The following DCHS2 variants were observed in gnomAD, a reference collection of about 807,000 sequenced individuals.
DCHS2 encodes the protein protocadherin-23.
A neutral mutation model predicts 182.4 loss-of-function variants in DCHS2; 142 were observed. The observed-to-expected ratio is 0.78, with a 90% CI of 0.68 to 0.89. The LOEUF (loss-of-function observed/expected upper bound fraction) is 0.89, where lower values mean the gene tolerates loss of function less well. Ranked by LOEUF, DCHS2 falls within the 40% of genes least tolerant of loss-of-function variation. The pLI is 0.00. For synonymous variants in DCHS2, 1,740 were observed against 1,663.3 expected, an observed-to-expected ratio of 1.05 and a Z score of -1.12; for missense variants, 4,319 against 4,198.6, an observed-to-expected ratio of 1.03 and a Z score of -0.79.
intron 3 of DCHS2, chr4:154,355,563 G>A (rs549900229): frequency 5.9e-5 from 9 of 152,230 alleles, no homozygotes; most frequent in African/African-American, 1.9e-4. Context: ...TAATAAACTT[G>A]CTTTCACTTT....
At chr4:154,344,356 A>G (rs951208720) in intron 3 of DCHS2, among the ~76,000 whole-genome samples, 1 of 152,210 alleles carries the variant, frequency 6.6e-6, no homozygotes, top group Admixed American at 6.5e-5. Context: ...GTGAAGCACA[A>G]TGAAGTGGGG....
intron 16 of DCHS2, among the ~76,000 whole-genome samples, chr4:154,254,189 TA>T (rs1732532685): frequency 6.6e-6 from 1 of 152,152 alleles, no homozygotes; most frequent in Admixed American, 6.5e-5. Flanking sequence ...ACACAACATC[TA>T]TCTAAAGCAT....
At chr4:154,385,371 C>T (rs1422291108) in intron 1 of DCHS2, among the ~76,000 whole-genome samples, 2 of 152,052 alleles carry the variant, frequency 1.3e-5, no homozygotes, top group African/African-American at 4.8e-5. Flanking sequence ...GTGAATAGTG[C>T]CCCCAATAAA....
At chr4:154,466,345 A>G (rs1008380970) in intron 1 of DCHS2, among the ~76,000 whole-genome samples, 1 of 152,228 alleles carries the variant, frequency 6.6e-6, no homozygotes, top group Non-Finnish European at 1.5e-5. Context: ...GCATATCAGC[A>G]TATTCATATC....
At chr4:154,252,669 T>TTAA (rs1291607093) in intron 16 of DCHS2, among the ~76,000 whole-genome samples, 2 of 152,052 alleles carry the variant, frequency 1.3e-5, no homozygotes, top group Non-Finnish European at 2.9e-5. Flanking sequence ...TTTTTTTCTT[T>TTAA]TAATGGCTAA....
chr4:154,377,209 A>G (rs773564407), intron 2 of DCHS2, 44 bp downstream of exon 2: 2 of 1,564,864 alleles, frequency 1.3e-6, no homozygotes, highest in African/African-American at 1.4e-5. Flanking sequence ...ACAGTGGCTC[A>G]CTTGTGATTA....
chr4:154,254,229 C>G (rs1462212868), intron 16 of DCHS2, among the ~76,000 whole-genome samples: 1 of 152,160 alleles, frequency 6.6e-6, no homozygotes, highest in Non-Finnish European at 1.5e-5. Context: ...AGAGCTAAGC[C>G]TCTCTTGGAC....
intron 1 of DCHS2, among the ~76,000 whole-genome samples, chr4:154,446,771 G>GA (rs373036942): frequency 6.6e-5 from 10 of 150,742 alleles, no homozygotes; most frequent in East Asian, 3.9e-4. Flanking sequence ...TTACTGGCTA[G>GA]AAAAAAAAAG....
chr4:154,450,965 A>G (rs2110976345), intron 1 of DCHS2, among the ~76,000 whole-genome samples: 1 of 152,316 alleles, frequency 6.6e-6, no homozygotes, highest in African/African-American at 2.4e-5. Context: ...TACAGCCAGG[A>G]AAGAGGTATA....
chr4:154,490,260 G>T lies in DCHS2; in HGVS notation c.1096C>A (p.Arg366=). Residue 366 remains arginine (R), a synonymous_variant, in exon 1 of 20, where the codon CGA becomes AGA. Transcript: ENST00000357232. The part of the protein sequence containing the change: ...FAVEELSGVV[R]VWRPLDREAQ... Reference sequence around the variant, plus strand: ...TCGCGGTCCAGAGGTCTCCACACTCGCACCACGCCGCTCAGCTCCTCCACC... The same window carrying T: ...TCGCGGTCCAGAGGTCTCCACACTCTCACCACGCCGCTCAGCTCCTCCACC... The T allele has an allele frequency of 1.9e-6, 3 of 1,549,036 alleles. No homozygotes were observed. The highest frequency in any genetic ancestry group is 4.9e-5 in the East Asian group (2 of 40,888).
At chr4:154,425,863 C>T (rs1278820711) in intron 1 of DCHS2, among the ~76,000 whole-genome samples, 2 of 152,194 alleles carry the variant, frequency 1.3e-5, no homozygotes, top group African/African-American at 4.8e-5. Context: ...GAGAGCTGTT[C>T]TGGCCCTGGG....
At chr4:154,388,740 C>T (rs576469821) in intron 1 of DCHS2, among the ~76,000 whole-genome samples, 3 of 151,986 alleles carry the variant, frequency 2.0e-5, no homozygotes, top group African/African-American at 4.8e-5. Context: ...GTGATCCACC[C>T]GCCTCGGCCT....
At chr4:154,278,973 G>A (rs1385074563) in intron 13 of DCHS2, among the ~76,000 whole-genome samples, 1 of 151,994 alleles carries the variant, frequency 6.6e-6, no homozygotes, top group Non-Finnish European at 1.5e-5. Flanking sequence ...AATATAATAT[G>A]GCAATAGTGA....
At chr4:154,256,892 C>T (rs1168084671) in intron 15 of DCHS2, among the ~76,000 whole-genome samples, 1 of 152,210 alleles carries the variant, frequency 6.6e-6, no homozygotes, top group East Asian at 1.9e-4. Flanking sequence ...GCTCTTGGGA[C>T]CGAAAGGCTG....
In DCHS2 at chr4:154,333,451, G is replaced by C. The variant is rs961532333; in HGVS notation, c.2757C>G (p.Leu919=). Residue 919 remains leucine, a synonymous_variant, in exon 5 of 20, where the codon CTC becomes CTG. Transcript: ENST00000357232. Reference sequence around the variant, plus strand: ...GCGGGTGAATGGAGAACTTTCCGCCGAGATCACCAGAAGAAATCCTGTAAA... The same window carrying C: ...GCGGGTGAATGGAGAACTTTCCGCCCAGATCACCAGAAGAAATCCTGTAAA... The part of the protein sequence containing the change: ...PIFYRISSGD[L]GGKFSIHPRL... 9 of 1,613,924 alleles carry C rather than the reference G, an allele frequency of 5.6e-6. No homozygotes were observed. Among genetic ancestry groups the C allele is most frequent in the Non-Finnish European group, 7.6e-6 (9 of 1,179,974 alleles).
rs1297706494 is a variant in DCHS2 at position 154,320,850 on chromosome 4, T to G, written c.4549A>C (p.Ile1517Leu). 6.2e-7 allele frequency: 1 copy of G among 1,614,068 alleles called. No homozygotes were observed. Among genetic ancestry groups the G allele is most frequent in the Non-Finnish European group, 8.5e-7 (1 of 1,179,990 alleles). The part of the protein sequence containing the change: ...SPSFQDELIV[I>L]SVEENVPIGT... Reference sequence around the variant, plus strand: ...ATGGGAACATTCTCCTCTACACTGATCACAATGAGCTCATCCTGGAAAGAT... The same window carrying G: ...ATGGGAACATTCTCCTCTACACTGAGCACAATGAGCTCATCCTGGAAAGAT... Residue 1517 changes from isoleucine to leucine, a missense_variant, in exon 9 of 20, where the codon ATC (isoleucine) becomes CTC (leucine). Ile to Leu is a conservative substitution (Grantham distance 5). Transcript: ENST00000357232.
At position 154,332,799 on chromosome 4, in the gene DCHS2, G is replaced by T. The variant is rs1736600493; in HGVS notation, c.3409C>A (p.Pro1137Thr). 6.2e-7 allele frequency: 1 copy of T among 1,614,100 alleles called. No individual in the cohort carries two copies. The highest frequency in any genetic ancestry group is 1.7e-5 in the Admixed American group (1 of 59,998). ...CGCAAATAAATCCAGCCCGTGTAAGGGCGGATTCCAAACATAGCAGAGTCT... is the reference window on the plus strand; with the variant it reads ...CGCAAATAAATCCAGCCCGTGTAAGTGCGGATTCCAAACATAGCAGAGTCT... ...SVDSAMFGIR[P>T]YTGWIYLRRQ... Residue 1137 changes from proline (P) to threonine (T), a missense_variant, in exon 5 of 20, where the codon CCT becomes ACT. Pro to Thr is a conservative substitution (Grantham distance 38). Coordinates refer to ENST00000357232, the MANE Select transcript of DCHS2 (RefSeq NM_001358235.2).
At chr4:154,487,002 A>T (rs891143953) in intron 1 of DCHS2, among the ~76,000 whole-genome samples, 3 of 152,234 alleles carry the variant, frequency 2.0e-5, no homozygotes, top group Non-Finnish European at 4.4e-5. Flanking sequence ...TGGAGTTGTA[A>T]CAATGGGATA....
chr4:154,329,680 C>A lies in DCHS2; in HGVS notation c.3761G>T (p.Arg1254Leu). The change falls in exon 6 of 20, where the codon CGT becomes CTT. Residue 1254 changes from arginine to leucine, a missense_variant. Arg to Leu is a moderately radical substitution (Grantham distance 102, BLOSUM62 -2). Coordinates refer to ENST00000357232, the MANE Select transcript of DCHS2 (RefSeq NM_001358235.2). ...CATCTCATGGTGCCCCCGGTGCTCACGATCCAGTGCCACCCAATTGATTAA... is the reference window on the plus strand; with the variant it reads ...CATCTCATGGTGCCCCCGGTGCTCAAGATCCAGTGCCACCCAATTGATTAA... ...GELINWVALDREHRGHHEMTV... is the reference protein window; with the variant it reads ...GELINWVALDLEHRGHHEMTV... The A allele has an allele frequency of 2.5e-6, 4 of 1,611,984 alleles. No homozygotes were observed. Among genetic ancestry groups the A allele is most frequent in the Non-Finnish European group, 3.4e-6 (4 of 1,179,800 alleles).
Sources: allele counts gnomAD v4.1 joint callset (sites outside exome capture counted in the v4.1 genomes callset), GRCh38; gene constraint gnomAD v4.1.1; transcripts MANE v1.5; gene names NCBI Gene and HGNC (gene_info 2026-07-23, HGNC 2026-07-21).